The following CTNND2 variants were observed in gnomAD, a reference collection of about 807,000 sequenced individuals.
The protein encoded by CTNND2 is catenin delta-2.
CTNND2 carries 22 observed loss-of-function variants against 144.4 expected under a neutral mutation model. The observed-to-expected ratio is 0.15, with a 90% confidence interval of 0.11 to 0.22. CTNND2 has a LOEUF of 0.22. CTNND2 is among the 10% of genes least tolerant of loss of function. CTNND2 has a pLI of 1.00. For missense variants in CTNND2, 1,353 were observed against 1,618.8 expected, an observed-to-expected ratio of 0.84 and a Z score of 2.82; for synonymous variants, 751 against 695.6, an observed-to-expected ratio of 1.08 and a Z score of -1.25.
intron 11 of CTNND2, among the ~76,000 whole-genome samples, chr5:11,194,777 T>C (rs949121298): frequency 2.6e-5 from 4 of 152,170 alleles, no homozygotes; most frequent in African/African-American, 7.2e-5. Context: ...TTCTAACTAA[T>C]ATCCTTAGAG....
intron 9 of CTNND2, among the ~76,000 whole-genome samples, chr5:11,253,490 C>G (rs528180980): frequency 2.0e-5 from 3 of 152,268 alleles, no homozygotes; most frequent in African/African-American, 7.2e-5. Flanking sequence ...GCAGTTTTCC[C>G]CTTTTGCTTG....
chr5:11,812,098 C>A (rs1194928816), intron 1 of CTNND2, among the ~76,000 whole-genome samples: 1 of 152,048 alleles, frequency 6.6e-6, no homozygotes, highest in Non-Finnish European at 1.5e-5. Flanking sequence ...TCCAAATAGT[C>A]AAAACTCCCT....
intron 2 of CTNND2, among the ~76,000 whole-genome samples, chr5:11,611,705 G>A (rs1780334914): frequency 6.6e-6 from 1 of 152,208 alleles, no homozygotes; most frequent in Non-Finnish European, 1.5e-5. Flanking sequence ...TGGAACCCGG[G>A]AGGCCGAGGC....
chr5:11,852,482 T>C (rs1267068907), intron 1 of CTNND2, among the ~76,000 whole-genome samples: 1 of 152,002 alleles, frequency 6.6e-6, no homozygotes, highest in Non-Finnish European at 1.5e-5. Context: ...GGAGTAAACA[T>C]AACATTTGGG....
At chr5:11,593,456 G>T (rs1157373901) in intron 2 of CTNND2, among the ~76,000 whole-genome samples, 6 of 152,122 alleles carry the variant, frequency 3.9e-5, no homozygotes, top group South Asian at 2.1e-4. Context: ...ATTGGCAAAC[G>T]ATTGATATAG....
chr5:11,491,679 C>T (rs186823091), intron 3 of CTNND2, among the ~76,000 whole-genome samples: 47 of 152,296 alleles, frequency 3.1e-4, no homozygotes, highest in East Asian at 2.1e-3. Context: ...GGCTCATGCC[C>T]GTCATCACAG....
intron 2 of CTNND2, among the ~76,000 whole-genome samples, chr5:11,608,352 C>G (rs1318653469): frequency 1.3e-5 from 2 of 152,160 alleles, no homozygotes; most frequent in Non-Finnish European, 1.5e-5. Context: ...TACTTCCCAT[C>G]TCCACTGGGT....
At chr5:11,105,318 G>A (rs889862333) in intron 14 of CTNND2, among the ~76,000 whole-genome samples, 4 of 152,312 alleles carry the variant, frequency 2.6e-5, no homozygotes, top group Admixed American at 2.0e-4. Context: ...GGACAATCTA[G>A]TCCAATGGTC....
chr5:11,320,833 T>C (rs939052801), intron 9 of CTNND2, among the ~76,000 whole-genome samples: 2 of 152,116 alleles, frequency 1.3e-5, no homozygotes, highest in Non-Finnish European at 2.9e-5. Flanking sequence ...GCCAAACATA[T>C]CAAGTATCTT....
chr5:11,361,888 C>A (rs1756488295), intron 8 of CTNND2, among the ~76,000 whole-genome samples: 1 of 152,226 alleles, frequency 6.6e-6, no homozygotes, highest in Non-Finnish European at 1.5e-5. Flanking sequence ...TTCGATCTTT[C>A]TGCCCCACTT....
intron 1 of CTNND2, among the ~76,000 whole-genome samples, chr5:11,766,895 A>G (rs1789621289): frequency 6.6e-6 from 1 of 152,100 alleles, no homozygotes; most frequent in African/African-American, 2.4e-5. Context: ...GGTAATAAAC[A>G]CCTCAGGAAA....
chr5:11,416,117 G>C (rs1761913934), intron 3 of CTNND2, among the ~76,000 whole-genome samples: 1 of 152,304 alleles, frequency 6.6e-6, no homozygotes, highest in African/African-American at 2.4e-5. Context: ...CTGCAGCACA[G>C]AGTTGGAAGA....
chr5:11,838,519 G>T (rs1195803898), intron 1 of CTNND2, among the ~76,000 whole-genome samples: 1 of 152,090 alleles, frequency 6.6e-6, no homozygotes, highest in African/African-American at 2.4e-5. Context: ...GATAGACATG[G>T]ACGTTGCTGG....
intron 7 of CTNND2, among the ~76,000 whole-genome samples, chr5:11,368,132 G>GA (rs1561287270): frequency 6.6e-6 from 1 of 152,148 alleles, no homozygotes; most frequent in Non-Finnish European, 1.5e-5. Context: ...AAGATTTCAT[G>GA]ATGCAGGAGG....
At chr5:11,061,716 C>CTT (rs562338338) in intron 16 of CTNND2, among the ~76,000 whole-genome samples, 9,767 of 148,660 alleles carry the variant, frequency 0.066, 513 homozygotes, top group African/African-American at 0.14. Flanking sequence ...TTTTCTTTCT[C>CTT]TTTTTTTTTT....
intron 5 of CTNND2, among the ~76,000 whole-genome samples, chr5:11,398,120 CA>C (rs972902742): frequency 1.3e-5 from 2 of 152,016 alleles, no homozygotes; most frequent in African/African-American, 4.8e-5. Flanking sequence ...AAAAACTTGG[CA>C]ATACAAGTTT....
At chr5:11,739,962 C>T (rs1787903535) in intron 1 of CTNND2, among the ~76,000 whole-genome samples, 1 of 152,084 alleles carries the variant, frequency 6.6e-6, no homozygotes, top group African/African-American at 2.4e-5. Context: ...GAATAAAAAA[C>T]CTAGGAATCC....
intron 7 of CTNND2, among the ~76,000 whole-genome samples, chr5:11,365,290 C>T (rs931234370): frequency 2.6e-5 from 4 of 152,182 alleles, no homozygotes; most frequent in African/African-American, 7.2e-5. Flanking sequence ...TTTTAAATGG[C>T]GAGCCACAAT....
chr5:11,442,915 AAATT>A (rs1203249921), intron 3 of CTNND2, among the ~76,000 whole-genome samples: 1 of 147,262 alleles, frequency 6.8e-6, no homozygotes, highest in Non-Finnish European at 1.5e-5. Context: ...AAAAGCACTA[AAATT>A]AATAAGATAT....
Sources: allele counts gnomAD v4.1 joint callset (sites outside exome capture counted in the v4.1 genomes callset), GRCh38; gene constraint gnomAD v4.1.1; transcripts MANE v1.5; gene names NCBI Gene and HGNC (gene_info 2026-07-23, HGNC 2026-07-21).